XYLT1: variants seen among roughly 807,000 people sequenced by gnomAD.
XYLT1 encodes the protein beta-D-xylosyltransferase 1.
XYLT1 carries 36 observed loss-of-function variants against 91.3 expected under a neutral mutation model. The observed-to-expected ratio is 0.39, with a 90% CI of 0.30 to 0.52. The LOEUF (loss-of-function observed/expected upper bound fraction) is 0.52, where lower values mean the gene tolerates loss of function less well. Ranked by LOEUF, XYLT1 falls within the 20% of genes least tolerant of loss-of-function variation. The probability of loss-of-function intolerance (pLI) is 0.68; values close to 1 mark genes in which losing one functional copy is unlikely to be tolerated. For missense variants in XYLT1, 1,242 were observed against 1,284.5 expected (o/e 0.97, Z 0.51); for synonymous variants, 588 against 532.0 (o/e 1.11, Z -1.45).
At chr16:17,356,694 C>T (rs114250606) in intron 2 of XYLT1, among the ~76,000 whole-genome samples, 1 of 152,128 alleles carries the variant, frequency 6.6e-6, no homozygotes, top group African/African-American at 2.4e-5. Context: ...AGCCTTGAAA[C>T]GTTCGAACAG....
At chr16:17,374,011 T>C (rs1359199505) in intron 1 of XYLT1, among the ~76,000 whole-genome samples, 2 of 152,102 alleles carry the variant, frequency 1.3e-5, no homozygotes, top group Non-Finnish European at 2.9e-5. Flanking sequence ...GGGGAGAAGG[T>C]AGGGACAGAA....
chr16:17,329,158 C>T (rs746991409), intron 2 of XYLT1, among the ~76,000 whole-genome samples: 19 of 152,136 alleles, frequency 1.2e-4, no homozygotes, highest in Non-Finnish European at 2.2e-4. Flanking sequence ...AACAAATGGG[C>T]GAGGCTGTGT....
Position 17,198,075 on chromosome 16 carries a change from A to G in XYLT1, c.1289+137T>C, listed in dbSNP as rs2032465412. Reference sequence around the variant, plus strand: ...ATGAGTGAATGAATCAATGATTCTCAGGTCCAATCAGAATCCTATCCTGAG... The same window carrying G: ...ATGAGTGAATGAATCAATGATTCTCGGGTCCAATCAGAATCCTATCCTGAG... On this transcript the variant is annotated intron_variant, in intron 5 of 11. Transcript: ENST00000261381. 8 of 841,294 alleles carry G rather than the reference A, an allele frequency of 9.5e-6. No individual in the cohort carries two copies. The South Asian group carries it at 1.2e-4, about 13-fold the overall frequency. The allele number at this position is 841,294 out of a possible 1,614,324, so 52.1% of individuals were successfully genotyped here.
At chr16:17,362,229 C>T (rs1379236400) in intron 1 of XYLT1, among the ~76,000 whole-genome samples, 1 of 152,054 alleles carries the variant, frequency 6.6e-6, no homozygotes, top group East Asian at 1.9e-4. Context: ...ACCACCTTAA[C>T]AAATACCGTA....
intron 1 of XYLT1, among the ~76,000 whole-genome samples, chr16:17,367,916 TCA>T (rs1287756756): frequency 6.6e-6 from 1 of 152,184 alleles, no homozygotes; most frequent in African/African-American, 2.4e-5. Context: ...GTGTAGAATG[TCA>T]GTTTTTTGAT....
intron 2 of XYLT1, among the ~76,000 whole-genome samples, chr16:17,329,397 T>C (rs946607831): frequency 3.6e-4 from 55 of 152,332 alleles, no homozygotes; most frequent in Non-Finnish European, 4.4e-5. Context: ...TTGGAAAACA[T>C]AGTAGATATT....
intron 1 of XYLT1, among the ~76,000 whole-genome samples, chr16:17,390,055 A>C (rs1037001082): frequency 3.3e-5 from 5 of 152,226 alleles, no homozygotes; most frequent in African/African-American, 9.7e-5. Flanking sequence ...TCTCTTCAGC[A>C]TCTTCAGCAT....
chr16:17,104,651 AAAACAAAC>A lies in XYLT1; in HGVS notation c.*4036_*4043del, dbSNP rs141634459. ...TGCCCACTATCTGTTAAAAAAAACA[AAAACAAAC>A]AAACAAACAACCCGACGTTGAAAAA... On this transcript the variant is annotated 3_prime_UTR_variant, in exon 12 of 12. Coordinates refer to ENST00000261381, the MANE Select transcript of XYLT1 (RefSeq NM_022166.4). The A allele has an allele frequency of 4.0e-5, 6 of 148,352 alleles. No individual in the cohort carries two copies. Among genetic ancestry groups the A allele is most frequent in the African/African-American group, 1.6e-4 (6 of 37,920 alleles). The allele number at this position is 148,352 out of a possible 1,614,324, so 9.2% of individuals were successfully genotyped here.
intron 1 of XYLT1, among the ~76,000 whole-genome samples, chr16:17,381,567 C>T (rs527739166): frequency 3.2e-4 from 48 of 151,842 alleles, no homozygotes; most frequent in African/African-American, 4.3e-4. Context: ...GCTGGGATTA[C>T]AGGCATGCAC....
chr16:17,347,083 G>A (rs1237450987), intron 2 of XYLT1, among the ~76,000 whole-genome samples: 2 of 152,226 alleles, frequency 1.3e-5, no homozygotes, highest in East Asian at 1.9e-4. Context: ...AAGCAGCTAC[G>A]CGCTGGCCCT....
At chr16:17,468,562 C>T (rs1336422171) in intron 1 of XYLT1, among the ~76,000 whole-genome samples, 1 of 152,132 alleles carries the variant, frequency 6.6e-6, no homozygotes, top group Non-Finnish European at 1.5e-5. Context: ...CCTCCCCAAC[C>T]GCAGATCTCT....
At chr16:17,377,347 G>A (rs1195463270) in intron 1 of XYLT1, among the ~76,000 whole-genome samples, 1 of 152,150 alleles carries the variant, frequency 6.6e-6, no homozygotes, top group Non-Finnish European at 1.5e-5. Flanking sequence ...GGGACCTCAT[G>A]AGGCCAGACA....
chr16:17,432,261 C>T (rs1205072915), intron 1 of XYLT1, among the ~76,000 whole-genome samples: 2 of 152,320 alleles, frequency 1.3e-5, no homozygotes, highest in African/African-American at 4.8e-5. Context: ...CACACCCAGA[C>T]TTCTATGCAA....
chr16:17,305,606 G>C (rs978815869), intron 2 of XYLT1, among the ~76,000 whole-genome samples: 18 of 151,932 alleles, frequency 1.2e-4, no homozygotes, highest in African/African-American at 4.4e-4. Flanking sequence ...AGTAGAGACA[G>C]GGTTTCACCA....
At chr16:17,118,931 AT>A (rs2029952220) in intron 10 of XYLT1, among the ~76,000 whole-genome samples, 1 of 151,880 alleles carries the variant, frequency 6.6e-6, no homozygotes, top group African/African-American at 2.4e-5. Context: ...CCAGCCCCTT[AT>A]GTCTAAAGCT....
chr16:17,413,546 A>G (rs1192292023), intron 1 of XYLT1, among the ~76,000 whole-genome samples: 2 of 151,824 alleles, frequency 1.3e-5, no homozygotes, highest in Non-Finnish European at 2.9e-5. Context: ...CTTGGGTTCA[A>G]TCAACCTCAG....
At chr16:17,270,226 C>A (rs1425760917) in intron 2 of XYLT1, among the ~76,000 whole-genome samples, 5 of 152,244 alleles carry the variant, frequency 3.3e-5, no homozygotes, top group Non-Finnish European at 7.3e-5. Flanking sequence ...GTGCCCTTAC[C>A]CCTTTCATAG....
intron 8 of XYLT1, among the ~76,000 whole-genome samples, chr16:17,135,148 C>T (rs774299192): frequency 4.7e-5 from 7 of 149,268 alleles, no homozygotes; most frequent in African/African-American, 1.8e-4. Flanking sequence ...AAAGAGTTCA[C>T]GGAAATTCTT....
intron 2 of XYLT1, among the ~76,000 whole-genome samples, chr16:17,346,571 T>A (rs763313617): frequency 6.6e-6 from 1 of 152,150 alleles, no homozygotes; most frequent in Non-Finnish European, 1.5e-5. Flanking sequence ...TTTAAAAATC[T>A]TCCTGAGGCC....
Sources: allele counts gnomAD v4.1 joint callset (sites outside exome capture counted in the v4.1 genomes callset), GRCh38; gene constraint gnomAD v4.1.1; transcripts MANE v1.5; gene names NCBI Gene and HGNC (gene_info 2026-07-23, HGNC 2026-07-21).